GRID2: variants seen among roughly 807,000 people sequenced by gnomAD.
GRID2 encodes glutamate ionotropic receptor delta type subunit 2, also known as glutamate receptor ionotropic, delta-2.
In GRID2, 33 loss-of-function variants were observed where a neutral mutation model predicts 114.8. The observed-to-expected ratio is 0.29, with a 90% CI of 0.22 to 0.38. The LOEUF is 0.38. GRID2 is among the 10% of genes least tolerant of loss of function. The probability of loss-of-function intolerance (pLI) is 1.00; values close to 1 mark genes in which losing one functional copy is unlikely to be tolerated. For missense variants in GRID2, 1,184 were observed against 1,257.7 expected, an observed-to-expected ratio of 0.94 and a Z score of 0.89; for synonymous variants, 505 against 449.9, an observed-to-expected ratio of 1.12 and a Z score of -1.55.
chr4:92,754,792 T>C (rs1176855063), intron 2 of GRID2, among the ~76,000 whole-genome samples: 9 of 152,308 alleles, frequency 5.9e-5, no homozygotes, highest in East Asian at 3.9e-4. Flanking sequence ...ATTCTTTGAA[T>C]TGGAGATTCA....
chr4:92,619,894 G>A (rs1560493516), intron 2 of GRID2, among the ~76,000 whole-genome samples: 3 of 149,932 alleles, frequency 2.0e-5, no homozygotes, highest in African/African-American at 7.3e-5. Flanking sequence ...AGTTACACAT[G>A]CCTTTTTTTT....
chr4:92,861,394 A>G lies in GRID2; in HGVS notation c.245-223601A>G, dbSNP rs1314478561. ...CAGTTCTGTGAATTACGCAGGGGAC[A>G]CGCACACTAGTGCGAAGGAAATCTT... On this transcript the variant is annotated intron_variant, in intron 2 of 15. Transcript: ENST00000282020. Among the ~76,000 whole-genome samples, 3 of 152,084 alleles carry G rather than the reference A, an allele frequency of 2.0e-5. No homozygotes were observed. In the East Asian group the frequency reaches 5.8e-4, roughly 29 times the overall value.
At chr4:93,635,126 A>G (rs535107889) in intron 14 of GRID2, among the ~76,000 whole-genome samples, 3 of 151,976 alleles carry the variant, frequency 2.0e-5, no homozygotes, top group South Asian at 2.1e-4. Context: ...ACATATTCCT[A>G]TTGGTATTGT....
At chr4:93,000,588 C>T (rs1320334188) in intron 2 of GRID2, among the ~76,000 whole-genome samples, 1 of 151,438 alleles carries the variant, frequency 6.6e-6, no homozygotes, top group African/African-American at 2.4e-5. Context: ...GTTAATAGTG[C>T]TCTAGCACAG....
chr4:93,719,152 A>G (rs1729148796), intron 14 of GRID2, among the ~76,000 whole-genome samples: 1 of 151,964 alleles, frequency 6.6e-6, no homozygotes, highest in Non-Finnish European at 1.5e-5. Context: ...TATATTACAA[A>G]TATTTCAGAT....
chr4:93,661,226 T>C (rs1202261420), intron 14 of GRID2, among the ~76,000 whole-genome samples: 4 of 152,354 alleles, frequency 2.6e-5, no homozygotes, highest in African/African-American at 9.6e-5. Context: ...CATGGTCATT[T>C]GCAGAAATGC....
chr4:92,942,563 A>T (rs1277778348), intron 2 of GRID2, among the ~76,000 whole-genome samples: 1 of 151,948 alleles, frequency 6.6e-6, no homozygotes, highest in Non-Finnish European at 1.5e-5. Context: ...CATTTATCCC[A>T]TTTACATTTA....
rs2149457656 is a variant in GRID2, at chr4:93,489,242, A to T, written c.1859-1397A>T. Among the ~76,000 whole-genome samples the T allele has an allele frequency of 2.6e-5, 4 of 152,082 alleles. No individual in the cohort carries two copies. In the Middle Eastern group the frequency reaches 0.014, roughly 517 times the overall value. ...ATCCTCTGAGCAGAAACCTGAAAAA[A>T]TTGAAGGAAGACGGAATTTATGAAT... is the stretch of plus-strand genomic sequence containing the variant. On this transcript the variant is annotated intron_variant, in intron 11 of 15. Coordinates refer to ENST00000282020, the MANE Select transcript of GRID2 (RefSeq NM_001510.4).
chr4:93,260,552 A>G (rs920438980), intron 8 of GRID2, among the ~76,000 whole-genome samples: 1 of 151,756 alleles, frequency 6.6e-6, no homozygotes, highest in African/African-American at 2.4e-5. Context: ...TCAAGCATCA[A>G]CTGTTATTTA....
At chr4:93,781,261 A>G (rs1336340023) in intron 1 of GRID2, among the ~76,000 whole-genome samples, 1 of 152,204 alleles carries the variant, frequency 6.6e-6, no homozygotes, top group Non-Finnish European at 1.5e-5. Flanking sequence ...TCTAGAGTCC[A>G]TAATTTTTAA....
intron 1 of GRID2, among the ~76,000 whole-genome samples, chr4:92,419,581 A>T (rs1396306272): frequency 6.6e-6 from 1 of 152,150 alleles, no homozygotes. Flanking sequence ...GTGATTGGGC[A>T]GGTTCAAGTG....
intron 2 of GRID2, among the ~76,000 whole-genome samples, chr4:92,752,571 T>A (rs553102644): frequency 6.6e-6 from 1 of 152,318 alleles, no homozygotes; most frequent in East Asian, 1.9e-4. Flanking sequence ...AGGATATCTG[T>A]GAAAAAGTAA....
At chr4:92,940,754 T>C (rs890276707) in intron 2 of GRID2, among the ~76,000 whole-genome samples, 7 of 152,216 alleles carry the variant, frequency 4.6e-5, no homozygotes, top group Non-Finnish European at 7.4e-5. Context: ...CAATACCTAA[T>C]TTATTGAGAG....
At chr4:92,888,001 A>G (rs1746493575) in intron 2 of GRID2, among the ~76,000 whole-genome samples, 1 of 152,206 alleles carries the variant, frequency 6.6e-6, no homozygotes, top group African/African-American at 2.4e-5. Context: ...TAAACCATTT[A>G]TATATGTTAA....
At chr4:92,661,778 C>T (rs1431514831) in intron 2 of GRID2, among the ~76,000 whole-genome samples, 1 of 150,812 alleles carries the variant, frequency 6.6e-6, no homozygotes. Context: ...GGAAATTACA[C>T]AATAAATTGT....
chr4:93,261,211 G>A (rs971196232), intron 8 of GRID2, among the ~76,000 whole-genome samples: 4 of 151,808 alleles, frequency 2.6e-5, no homozygotes, highest in Non-Finnish European at 5.9e-5. Context: ...AGGGCTTTTC[G>A]AAAGGAGCTC....
chr4:93,397,394 A>T (rs958014576), intron 9 of GRID2, among the ~76,000 whole-genome samples: 1 of 151,934 alleles, frequency 6.6e-6, no homozygotes, highest in African/African-American at 2.4e-5. Context: ...AATTATTAAT[A>T]GTCTTTCCTC....
At chr4:92,427,718 A>C (rs867849064) in intron 1 of GRID2, among the ~76,000 whole-genome samples, 1 of 152,206 alleles carries the variant, frequency 6.6e-6, no homozygotes, top group East Asian at 1.9e-4. Flanking sequence ...TCTTGGTTTC[A>C]GTTGGTTAAG....
At chr4:93,302,391 C>T (rs2149169991) in intron 8 of GRID2, among the ~76,000 whole-genome samples, 1 of 152,190 alleles carries the variant, frequency 6.6e-6, no homozygotes, top group South Asian at 2.1e-4. Flanking sequence ...GGCTGAAAGC[C>T]CCATGGGCCG....
Sources: allele counts gnomAD v4.1 joint callset (sites outside exome capture counted in the v4.1 genomes callset), GRCh38; gene constraint gnomAD v4.1.1; transcripts MANE v1.5; gene names NCBI Gene and HGNC (gene_info 2026-07-23, HGNC 2026-07-21).